The following PRKD1 variants were observed in gnomAD, a reference collection of about 807,000 sequenced individuals.
PRKD1 encodes the protein protein kinase D1.
PRKD1 carries 63 observed loss-of-function variants against 95.9 expected under a neutral mutation model. The observed-to-expected ratio is 0.66, with a 90% CI of 0.54 to 0.81. The LOEUF (loss-of-function observed/expected upper bound fraction) is 0.81, where lower values mean the gene tolerates loss of function less well. Ranked by LOEUF, PRKD1 falls within the 30% of genes least tolerant of loss-of-function variation. The pLI, the probability that PRKD1 is intolerant of heterozygous loss-of-function variation, is 0.00. For synonymous variants in PRKD1, 425 were observed against 423.1 expected (o/e 1.00, Z -0.05); for missense variants, 1,048 against 1,165.3 (o/e 0.90, Z 1.47).
chr14:29,728,982 T>C (rs1251388298), intron 1 of PRKD1, among the ~76,000 whole-genome samples: 2 of 152,174 alleles, frequency 1.3e-5, no homozygotes, highest in Non-Finnish European at 2.9e-5. Flanking sequence ...AATTTCCATA[T>C]ACATTTTAGA....
chr14:29,766,205 T>G (rs932767668), intron 1 of PRKD1, among the ~76,000 whole-genome samples: 1 of 152,138 alleles, frequency 6.6e-6, no homozygotes, highest in African/African-American at 2.4e-5. Flanking sequence ...TCTTTTCCCT[T>G]GAGTACACAA....
chr14:29,589,303 C>CA (rs1330922295), intron 16 of PRKD1, among the ~76,000 whole-genome samples: 1 of 152,204 alleles, frequency 6.6e-6, no homozygotes, highest in Non-Finnish European at 1.5e-5. Context: ...AATTATATCT[C>CA]ACTTCACCAA....
At chr14:29,681,018 C>T (rs908568743) in intron 2 of PRKD1, among the ~76,000 whole-genome samples, 7 of 152,088 alleles carry the variant, frequency 4.6e-5, no homozygotes, top group Non-Finnish European at 7.4e-5. Flanking sequence ...TAGTTACAGA[C>T]GCTTGTAAAA....
chr14:29,792,179 C>A (rs186228420), intron 1 of PRKD1, among the ~76,000 whole-genome samples: 6 of 151,984 alleles, frequency 3.9e-5, no homozygotes, highest in Admixed American at 2.0e-4. Flanking sequence ...AAATCGTGTT[C>A]TAATATAAAA....
At chr14:29,773,160 T>C (rs549243507) in intron 1 of PRKD1, among the ~76,000 whole-genome samples, 6 of 152,190 alleles carry the variant, frequency 3.9e-5, no homozygotes, top group Non-Finnish European at 8.8e-5. Context: ...ACATAACTAG[T>C]TTTTAAAAGA....
At chr14:29,577,914 G>A (rs1472675867) in intron 17 of PRKD1, among the ~76,000 whole-genome samples, 2 of 152,034 alleles carry the variant, frequency 1.3e-5, no homozygotes, top group Non-Finnish European at 2.9e-5. Flanking sequence ...ATGACCAGAT[G>A]GGCATCTATT....
chr14:29,585,692 T>C (rs1406063711), intron 16 of PRKD1, among the ~76,000 whole-genome samples: 1 of 152,198 alleles, frequency 6.6e-6, no homozygotes, highest in Admixed American at 6.5e-5. Flanking sequence ...TTACAAAATA[T>C]AACAGATCAT....
intron 1 of PRKD1, among the ~76,000 whole-genome samples, chr14:29,865,921 T>A (rs1892883495): frequency 6.6e-6 from 1 of 152,206 alleles, no homozygotes; most frequent in Admixed American, 6.5e-5. Context: ...ACATCTGGGA[T>A]ACAATAATAA....
intron 2 of PRKD1, among the ~76,000 whole-genome samples, chr14:29,724,819 A>T (rs1594461065): frequency 6.6e-6 from 1 of 152,324 alleles, no homozygotes; most frequent in Admixed American, 6.5e-5. Context: ...AACAATAAAA[A>T]TTTGGATACA....
intron 1 of PRKD1, among the ~76,000 whole-genome samples, chr14:29,870,769 ACT>A (rs1322420057): frequency 4.6e-5 from 7 of 152,250 alleles, no homozygotes; most frequent in Admixed American, 1.3e-4. Flanking sequence ...TATATTTAAA[ACT>A]CAGTGTAATA....
intron 13 of PRKD1, among the ~76,000 whole-genome samples, chr14:29,614,636 A>G (rs1374127596): frequency 6.6e-6 from 1 of 152,102 alleles, no homozygotes; most frequent in Non-Finnish European, 1.5e-5. Context: ...TATAATAATA[A>G]ATTAGTCATG....
intron 2 of PRKD1, among the ~76,000 whole-genome samples, chr14:29,704,183 A>G (rs1326073284): frequency 1.3e-5 from 2 of 152,140 alleles, no homozygotes; most frequent in African/African-American, 4.8e-5. Context: ...TAGCTGACAG[A>G]GACCCAGGGG....
chr14:29,641,468 T>A (rs999551405), intron 4 of PRKD1, among the ~76,000 whole-genome samples: 8 of 152,178 alleles, frequency 5.3e-5, no homozygotes, highest in African/African-American at 1.4e-4. Flanking sequence ...AGAAATTGAT[T>A]TACTGCTGGA....
At chr14:29,714,961 G>A (rs917467393) in intron 2 of PRKD1, among the ~76,000 whole-genome samples, 7 of 152,106 alleles carry the variant, frequency 4.6e-5, no homozygotes, top group Non-Finnish European at 7.4e-5. Flanking sequence ...GCCCGTTGGG[G>A]GATGGAGGGC....
At chr14:29,790,232 G>T (rs771396897) in intron 1 of PRKD1, among the ~76,000 whole-genome samples, 5 of 151,464 alleles carry the variant, frequency 3.3e-5, no homozygotes, top group Admixed American at 2.6e-4. Context: ...GGATGGTCTC[G>T]ATCTCTTGAC....
At chr14:29,770,930 CAAAAAAAAAAAA>C (rs753745571) in intron 1 of PRKD1, among the ~76,000 whole-genome samples, 6 of 47,162 alleles carry the variant, frequency 1.3e-4, no homozygotes, top group African/African-American at 3.0e-4. Context: ...AGACACTGTC[CAAAAAAAAAAAA>C]AAAAAAAAAG....
intron 4 of PRKD1, among the ~76,000 whole-genome samples, chr14:29,658,236 T>C (rs1181581601): frequency 6.6e-6 from 1 of 152,240 alleles, no homozygotes; most frequent in Non-Finnish European, 1.5e-5. Flanking sequence ...CAGCTCATAT[T>C]TGAAGATGGT....
In PRKD1 at chr14:29,683,386, T is replaced by C. The variant is rs552757377; in HGVS notation, c.404-17178A>G. On this transcript the variant is annotated intron_variant, in intron 2 of 17. Coordinates refer to ENST00000331968, the MANE Select transcript of PRKD1 (RefSeq NM_002742.3). ...GATGTGAGCTGAGCAGAAGGAATGA[T>C]GGGTTCTGTTCTAGATATGTTCAGC... is the stretch of plus-strand genomic sequence containing the variant. Among the ~76,000 whole-genome samples, 6 of 152,260 alleles carry C rather than the reference T, an allele frequency of 3.9e-5. No individual in the cohort carries two copies. In the South Asian group the frequency reaches 1.0e-3, roughly 26 times the overall value.
At chr14:29,922,714 T>A (rs758933810) in intron 1 of PRKD1, among the ~76,000 whole-genome samples, 1 of 151,838 alleles carries the variant, frequency 6.6e-6, no homozygotes. Context: ...TGAGACATTG[T>A]CTGTATAAAA....
Sources: allele counts gnomAD v4.1 joint callset (sites outside exome capture counted in the v4.1 genomes callset), GRCh38; gene constraint gnomAD v4.1.1; transcripts MANE v1.5; gene names NCBI Gene and HGNC (gene_info 2026-07-23, HGNC 2026-07-21).